Variants in ANKRD30B observed in about 807,000 individuals in gnomAD.
ANKRD30B encodes the protein ankyrin repeat domain 30B.
Under a neutral mutation model 202.2 loss-of-function variants are expected in ANKRD30B, and 144 were observed. That is an observed-to-expected ratio of 0.71 (90% CI 0.62 to 0.82). ANKRD30B has a LOEUF of 0.82. Ranked by LOEUF, ANKRD30B falls within the 40% of genes least tolerant of loss-of-function variation. The pLI is 0.00. For synonymous variants in ANKRD30B, 508 were observed against 561.3 expected (o/e 0.91, Z 1.34); for missense variants, 1,487 against 1,669.1 (o/e 0.89, Z 1.90).
At chr18:14,800,578 C>A (rs912931790) in intron 22 of ANKRD30B, among the ~76,000 whole-genome samples, 2 of 150,884 alleles carry the variant, frequency 1.3e-5, no homozygotes, top group Non-Finnish European at 2.9e-5. Flanking sequence ...CCCACCTCGG[C>A]CTCCTAAAGT....
chr18:14,880,565 G>GT, the ANKRD30B span, among the ~76,000 whole-genome samples: 56 of 43,266 alleles, frequency 1.3e-3, 1 homozygote, highest in South Asian at 3.6e-3. Context: ...TTTCTTTCTT[G>GT]GTTTTTTTTT....
At chr18:14,816,236 C>G (rs1970095642) in intron 30 of ANKRD30B, 1 of 152,220 alleles carries the variant, frequency 6.6e-6, no homozygotes, top group South Asian at 2.1e-4. Context: ...TCAGCATATA[C>G]ACATTGGCAT....
intron 33 of ANKRD30B, among the ~76,000 whole-genome samples, 188 bp from the exon 34 acceptor site, chr18:14,831,195 A>AC (rs1249284017): frequency 1.3e-5 from 2 of 150,928 alleles, no homozygotes; most frequent in East Asian, 3.9e-4. Flanking sequence ...AAAAAAAAAA[A>AC]AAAAACGAAA....
the ANKRD30B span, among the ~76,000 whole-genome samples, chr18:14,900,937 T>C: frequency 6.6e-6 from 1 of 152,224 alleles, no homozygotes; most frequent in Non-Finnish European, 1.5e-5. Flanking sequence ...CAGATGTTTA[T>C]TGCATGGAGA....
chr18:14,881,486 G>A, the ANKRD30B span, among the ~76,000 whole-genome samples: 1 of 152,142 alleles, frequency 6.6e-6, no homozygotes. Flanking sequence ...CAGTTAGATA[G>A]TATTTTGTTA....
chr18:14,889,456 G>A, the ANKRD30B span, among the ~76,000 whole-genome samples: 2 of 152,034 alleles, frequency 1.3e-5, no homozygotes, highest in Non-Finnish European at 2.9e-5. Context: ...CTGAGCTCTG[G>A]GAATACAAAG....
At chr18:14,855,503 T>C (rs8087179), downstream of ANKRD30B, among the ~76,000 whole-genome samples, 2,253 of 143,492 alleles carry the variant, frequency 0.016, 61 homozygotes, top group African/African-American at 0.056. Context: ...AGGTGCTCCT[T>C]ACTTCCCAGA....
At chr18:14,886,109 A>G in the ANKRD30B span, among the ~76,000 whole-genome samples, 1 of 151,912 alleles carries the variant, frequency 6.6e-6, no homozygotes, top group Non-Finnish European at 1.5e-5. Context: ...CATTGCCAAG[A>G]CATAGTCACA....
chr18:14,940,322 G>A, the ANKRD30B span, among the ~76,000 whole-genome samples: 1 of 152,236 alleles, frequency 6.6e-6, no homozygotes, highest in African/African-American at 2.4e-5. Flanking sequence ...ACAAGCTGGG[G>A]CTCTGCCGCC....
At chr18:14,907,869 C>G in the ANKRD30B span, among the ~76,000 whole-genome samples, 2 of 151,974 alleles carry the variant, frequency 1.3e-5, no homozygotes, top group African/African-American at 4.8e-5. Flanking sequence ...CATTTCATCT[C>G]TCTACACTCT....
chr18:14,880,096 T>A, the ANKRD30B span, among the ~76,000 whole-genome samples: 12 of 152,020 alleles, frequency 7.9e-5, no homozygotes, highest in Non-Finnish European at 1.8e-4. Flanking sequence ...TTCCCCTACA[T>A]GTGGCTCGCC....
At chr18:14,821,805 A>C (rs1970437908) in intron 30 of ANKRD30B, among the ~76,000 whole-genome samples, 1 of 152,156 alleles carries the variant, frequency 6.6e-6, no homozygotes, top group Non-Finnish European at 1.5e-5. Flanking sequence ...GTATAAGTGG[A>C]TCAGGAAATT....
chr18:14,830,196 C>A (rs1261334318), intron 33 of ANKRD30B: 1 of 154,518 alleles, frequency 6.5e-6, no homozygotes, highest in East Asian at 1.9e-4. Context: ...GTGGGAGACA[C>A]TTTCACTATA....
chr18:14,940,670 A>G, the ANKRD30B span, among the ~76,000 whole-genome samples: 3 of 152,226 alleles, frequency 2.0e-5, no homozygotes, highest in East Asian at 5.8e-4. Context: ...CCCTCTTTCT[A>G]GAGAGAAAAC....
chr18:14,849,029 G>A, intron 40 of ANKRD30B, 100 bp downstream of exon 40: 2 of 1,325,572 alleles, frequency 1.5e-6, no homozygotes, highest in Non-Finnish European at 9.7e-7. Flanking sequence ...GATTTAACTG[G>A]AGAAAAAAAT....
intron 14 of ANKRD30B, among the ~76,000 whole-genome samples, chr18:14,785,551 T>G (rs530276514): frequency 3.9e-5 from 6 of 152,322 alleles, no homozygotes; most frequent in Admixed American, 6.5e-5. Context: ...AGTAAAATAT[T>G]TAAAATATTT....
At chr18:14,888,811 A>G in the ANKRD30B span, 4 of 1,039,786 alleles carry the variant, frequency 3.8e-6, no homozygotes, top group African/African-American at 3.3e-5. Flanking sequence ...TTTCCCCTCC[A>G]TTGTGTGTCC....
chr18:14,837,933 G>T (rs548564151), intron 36 of ANKRD30B, among the ~76,000 whole-genome samples: 1 of 152,130 alleles, frequency 6.6e-6, no homozygotes, highest in Non-Finnish European at 1.5e-5. Context: ...GGAGAATGGC[G>T]TGAACCCAGA....
At chr18:14,892,025 C>T in the ANKRD30B span, among the ~76,000 whole-genome samples, 3 of 152,124 alleles carry the variant, frequency 2.0e-5, no homozygotes, top group Admixed American at 1.3e-4. Context: ...ACTGTAATTA[C>T]CTTTGCACCA....
Sources: allele counts gnomAD v4.1 joint callset (sites outside exome capture counted in the v4.1 genomes callset), GRCh38; gene constraint gnomAD v4.1.1; transcripts MANE v1.5; gene names NCBI Gene and HGNC (gene_info 2026-07-23, HGNC 2026-07-21).